Variants in PARN observed in about 807,000 individuals in gnomAD.
PARN encodes poly(A)-specific ribonuclease.
In PARN, 71 loss-of-function variants were observed where a neutral mutation model predicts 102.8. The observed-to-expected ratio is 0.69, with a 90% confidence interval of 0.57 to 0.84. The LOEUF (loss-of-function observed/expected upper bound fraction) is 0.84, where lower values mean the gene tolerates loss of function less well. Among genes scored for constraint, PARN ranks in the 40% least tolerant of loss-of-function variants. The pLI is 0.00. For missense variants in PARN, 782 were observed against 760.9 expected (o/e 1.03, Z -0.33); for synonymous variants, 261 against 252.9 (o/e 1.03, Z -0.30).
At chr16:14,560,338 A>G (rs1422791832) in intron 18 of PARN, among the ~76,000 whole-genome samples, 1 of 152,242 alleles carries the variant, frequency 6.6e-6, no homozygotes, top group Admixed American at 6.5e-5. Flanking sequence ...TATTTTAGCA[A>G]AGATCCGAGA....
chr16:14,471,681 C>A (rs1462031858), intron 22 of PARN, among the ~76,000 whole-genome samples: 3 of 152,176 alleles, frequency 2.0e-5, no homozygotes, highest in African/African-American at 7.2e-5. Flanking sequence ...CAGGTGGGGG[C>A]AATCACCGCT....
intron 21 of PARN, among the ~76,000 whole-genome samples, chr16:14,514,254 G>A (rs1056892286): frequency 1.5e-4 from 23 of 152,072 alleles, no homozygotes; most frequent in African/African-American, 4.8e-4. Context: ...GCACAATCTC[G>A]GCTCACTGCA....
At chr16:14,577,794 A>C (rs2151744208) in intron 18 of PARN, among the ~76,000 whole-genome samples, 1 of 152,036 alleles carries the variant, frequency 6.6e-6, no homozygotes, top group East Asian at 2.0e-4. Flanking sequence ...CAGCCCCCCC[A>C]GTAGCTGGGA....
At chr16:14,629,864 C>A (rs1972928095) in intron 1 of PARN, among the ~76,000 whole-genome samples, 190 bp from the exon 2 acceptor site, 1 of 152,184 alleles carries the variant, frequency 6.6e-6, no homozygotes, top group Non-Finnish European at 1.5e-5. Context: ...CCGGGGGGTG[C>A]CCGGCCCGGA....
intron 2 of PARN, among the ~76,000 whole-genome samples, chr16:14,629,354 AAGC>A (rs1200019735): frequency 6.6e-6 from 1 of 152,222 alleles, no homozygotes; most frequent in East Asian, 1.9e-4. Flanking sequence ...GCACTGTTTT[AAGC>A]AGCATCAAAA....
chr16:14,601,269 C>G (rs1449869222), intron 11 of PARN, among the ~76,000 whole-genome samples: 1 of 152,172 alleles, frequency 6.6e-6, no homozygotes, highest in Non-Finnish European at 1.5e-5. Flanking sequence ...GAATATTATT[C>G]AGCCTTTAAA....
chr16:14,439,980 A>G (rs1436797154), intron 23 of PARN, among the ~76,000 whole-genome samples: 3 of 152,182 alleles, frequency 2.0e-5, no homozygotes, highest in Non-Finnish European at 2.9e-5. Context: ...GTGCCACTGC[A>G]CTCCAGTCTG....
intron 21 of PARN, among the ~76,000 whole-genome samples, chr16:14,532,658 GC>G (rs1341335520): frequency 6.6e-6 from 1 of 151,894 alleles, no homozygotes; most frequent in East Asian, 1.9e-4. Context: ...TGTCATCATG[GC>G]CCGTTCTCAA....
At chr16:14,537,993 CTAA>C (rs1185389063) in intron 21 of PARN, among the ~76,000 whole-genome samples, 2 of 152,034 alleles carry the variant, frequency 1.3e-5, no homozygotes, top group Non-Finnish European at 2.9e-5. Flanking sequence ...GATGGATATG[CTAA>C]TGATTTGATC....
chr16:14,534,332 T>G (rs1211404320), intron 21 of PARN, among the ~76,000 whole-genome samples: 1 of 152,080 alleles, frequency 6.6e-6, no homozygotes, highest in African/African-American at 2.4e-5. Context: ...CTGTTGTTAC[T>G]ATAAAGAACA....
chr16:14,619,048 T>C (rs1440514092), intron 5 of PARN, among the ~76,000 whole-genome samples: 1 of 150,924 alleles, frequency 6.6e-6, no homozygotes, highest in African/African-American at 2.4e-5. Flanking sequence ...ATTTAAAAAT[T>C]AGCCAGGCAT....
intron 21 of PARN, among the ~76,000 whole-genome samples, chr16:14,549,796 T>G (rs1343947477): frequency 2.6e-5 from 4 of 152,208 alleles, no homozygotes; most frequent in Non-Finnish European, 5.9e-5. Flanking sequence ...GATTGTGTAG[T>G]ATGGGGCTCT....
Position 14,570,043 on chromosome 16 carries a change from G to C in PARN, c.1262+10831C>G, listed in dbSNP as rs148019978. Among the ~76,000 whole-genome samples, 380 of 152,246 alleles carry C rather than the reference G, an allele frequency of 2.5e-3. 6 individuals are homozygous for C. Among genetic ancestry groups the C allele is most frequent in the East Asian group, 9.3e-3 (48 of 5,188 alleles). On this transcript the variant is annotated intron_variant, in intron 18 of 23. Coordinates refer to ENST00000437198, the MANE Select transcript of PARN (RefSeq NM_002582.4). ...ATTTATATCTCAATAAAGTGGTTTTGAAATAGGAAAGAGGAGGCCGGGTGC... is the reference window on the plus strand; with the variant it reads ...ATTTATATCTCAATAAAGTGGTTTTCAAATAGGAAAGAGGAGGCCGGGTGC...
intron 22 of PARN, among the ~76,000 whole-genome samples, chr16:14,470,154 T>A (rs1239777562): frequency 6.6e-6 from 1 of 152,186 alleles, no homozygotes; most frequent in Non-Finnish European, 1.5e-5. Context: ...ACAAAGGTCA[T>A]ATAAGTATAA....
At position 14,447,001 on chromosome 16, in the gene PARN, C is replaced by T. The variant is rs1961230542; in HGVS notation, c.1751G>A (p.Gly584Glu). ...CTCAAGCTCAGTGTCGGAAATCTCC[C>T]CTGACACTCCGTCCTCCAGGCCAGC... ...EEAGLEDGVS[G>E]EISDTELEQT... The change falls in exon 23 of 24, where the codon GGG becomes GAG. Residue 584 changes from glycine (G) to glutamate (E), a missense_variant. Coordinates refer to ENST00000437198, the MANE Select transcript of PARN (RefSeq NM_002582.4). The T allele has an allele frequency of 1.2e-6, 2 of 1,613,314 alleles. No individual in the cohort carries two copies. Among genetic ancestry groups the T allele is most frequent in the Non-Finnish European group, 1.7e-6 (2 of 1,179,320 alleles).
chr16:14,586,204 T>C (rs1185453664), intron 14 of PARN, 114 bp downstream of exon 14: 2 of 689,452 alleles, frequency 2.9e-6, no homozygotes, highest in Non-Finnish European at 5.3e-6. Context: ...CTGAACTCCC[T>C]AGGCTCAAGT....
chr16:14,494,195 G>C (rs1308280498), intron 21 of PARN, among the ~76,000 whole-genome samples: 5 of 152,162 alleles, frequency 3.3e-5, no homozygotes, highest in Non-Finnish European at 7.3e-5. Context: ...GTCTCTCATG[G>C]ACATTAATGA....
At chr16:14,575,865 C>T (rs190298042) in intron 18 of PARN, among the ~76,000 whole-genome samples, 85 of 152,216 alleles carry the variant, frequency 5.6e-4, no homozygotes, top group Non-Finnish European at 4.3e-4. Flanking sequence ...AGGAGGAACC[C>T]GGTGGGAGGT....
chr16:14,531,606 C>G (rs1966332873), intron 21 of PARN, among the ~76,000 whole-genome samples: 1 of 152,198 alleles, frequency 6.6e-6, no homozygotes, highest in East Asian at 1.9e-4. Context: ...GACTAACCTT[C>G]TACCATGCTT....
Sources: gnomAD v4.1 joint callset for allele counts (sites outside exome capture counted in the v4.1 genomes callset) on GRCh38, gnomAD v4.1.1 for gene constraint, MANE v1.5 for transcripts, NCBI Gene and HGNC (gene_info 2026-07-23, HGNC 2026-07-21) for gene names.